The following SLC41A2 variants were observed in gnomAD, a reference collection of about 807,000 sequenced individuals.
SLC41A2 encodes the protein SLC41A1-like 1.
In SLC41A2, 32 loss-of-function variants were observed where a neutral mutation model predicts 58.3. The ratio of observed to expected loss-of-function variants is 0.55; its 90% confidence interval spans 0.41 to 0.74. The LOEUF is 0.74. SLC41A2 is among the 30% of genes least tolerant of loss of function. The pLI is 0.00. For missense variants in SLC41A2, 514 were observed against 680.6 expected (o/e 0.76, Z 2.72); for synonymous variants, 190 against 235.0 (o/e 0.81, Z 1.75).
At chr12:104,933,066 G>A (rs921069261) in intron 1 of SLC41A2, among the ~76,000 whole-genome samples, 1 of 152,036 alleles carries the variant, frequency 6.6e-6, no homozygotes, top group African/African-American at 2.4e-5. Context: ...CTTCTGCAGA[G>A]CCAAAAAAAC....
chr12:104,813,904 G>A (rs1185315735), intron 10 of SLC41A2, among the ~76,000 whole-genome samples: 3 of 152,062 alleles, frequency 2.0e-5, no homozygotes, highest in African/African-American at 7.2e-5. Context: ...CCAAAGTGCT[G>A]GGATTACAGG....
At chr12:104,954,344 C>T (rs1425211184) in intron 1 of SLC41A2, among the ~76,000 whole-genome samples, 1 of 152,204 alleles carries the variant, frequency 6.6e-6, no homozygotes, top group Non-Finnish European at 1.5e-5. Flanking sequence ...ATAAATCTAA[C>T]TGCAGTACGT....
intron 6 of SLC41A2, among the ~76,000 whole-genome samples, chr12:104,874,776 G>A (rs2043968549): frequency 6.6e-6 from 1 of 152,194 alleles, no homozygotes; most frequent in African/African-American, 2.4e-5. Flanking sequence ...AAATCAGGAA[G>A]TGTGATGCCT....
At chr12:104,956,804 G>A (rs532711160) in intron 1 of SLC41A2, among the ~76,000 whole-genome samples, 63 of 152,298 alleles carry the variant, frequency 4.1e-4, no homozygotes, top group Non-Finnish European at 7.8e-4. Context: ...ATGAAAAGAT[G>A]CTCAGCATCC....
intron 2 of SLC41A2, among the ~76,000 whole-genome samples, chr12:104,922,543 TAA>T (rs2046646052): frequency 6.6e-6 from 1 of 152,024 alleles, no homozygotes; most frequent in African/African-American, 2.4e-5. Context: ...TTTATAAATC[TAA>T]AGAGAGAGAG....
At chr12:104,877,085 T>C (rs918342390) in intron 6 of SLC41A2, among the ~76,000 whole-genome samples, 1 of 152,252 alleles carries the variant, frequency 6.6e-6, no homozygotes, top group African/African-American at 2.4e-5. Flanking sequence ...AACTAAAGCC[T>C]ACTGCTATCA....
At chr12:104,817,194 A>G (rs2041445005) in intron 10 of SLC41A2, among the ~76,000 whole-genome samples, 2 of 152,216 alleles carry the variant, frequency 1.3e-5, no homozygotes. Flanking sequence ...TAAACACAGA[A>G]AAGTTGCAGT....
chr12:104,902,694 G>A (rs1026458535), intron 3 of SLC41A2, among the ~76,000 whole-genome samples: 29 of 152,160 alleles, frequency 1.9e-4, no homozygotes, highest in Admixed American at 2.6e-4. Context: ...GGTGAAAGAC[G>A]TGGGAGAATG....
intron 1 of SLC41A2, among the ~76,000 whole-genome samples, chr12:104,955,050 C>T (rs1394703625): frequency 1.8e-5 from 2 of 110,322 alleles, no homozygotes; most frequent in East Asian, 3.3e-4. Context: ...TGAGTTAAGA[C>T]GAAGTTTTGC....
At chr12:104,905,499 G>A (rs188176419) in intron 3 of SLC41A2, among the ~76,000 whole-genome samples, 2,196 of 152,364 alleles carry the variant, frequency 0.014, 69 homozygotes, top group African/African-American at 0.05. Flanking sequence ...TGCCAGTCCT[G>A]CACCCTGTGC....
intron 3 of SLC41A2, among the ~76,000 whole-genome samples, chr12:104,901,904 C>T (rs2045584024): frequency 6.6e-6 from 1 of 152,068 alleles, no homozygotes; most frequent in Non-Finnish European, 1.5e-5. Context: ...GTTTTAAGTT[C>T]TTTATCTTTA....
chr12:104,894,310 A>C (rs1217433051), intron 4 of SLC41A2, among the ~76,000 whole-genome samples: 3 of 151,722 alleles, frequency 2.0e-5, no homozygotes, highest in African/African-American at 7.3e-5. Flanking sequence ...CCATGACTGC[A>C]CTACTGCACT....
chr12:104,866,470 T>C lies in SLC41A2; in HGVS notation c.1137A>G (p.Ser379=). ...KHPATRTVLH[S]GWEPVITAMV... ...TAGCTGTTATGACAGGCTCCCAGCC[T>C]GAGTGGAGAACTGTTCTTGTGGCTG... The change falls in exon 7 of 11, where the codon TCA becomes TCG. Residue 379 remains serine (S), a synonymous_variant. Transcript: ENST00000258538. The C allele has an allele frequency of 6.2e-7, 1 of 1,612,966 alleles. No individual in the cohort carries two copies. Among genetic ancestry groups the C allele is most frequent in the South Asian group, 1.1e-5 (1 of 90,972 alleles).
At chr12:104,884,017 G>A (rs1013267686) in intron 6 of SLC41A2, among the ~76,000 whole-genome samples, 2 of 152,198 alleles carry the variant, frequency 1.3e-5, no homozygotes, top group Non-Finnish European at 2.9e-5. Context: ...CTTCCCAGCC[G>A]CTTTGTTTAC....
At chr12:104,931,353 C>T (rs2135901011) in intron 1 of SLC41A2, among the ~76,000 whole-genome samples, 1 of 152,294 alleles carries the variant, frequency 6.6e-6, no homozygotes, top group South Asian at 2.1e-4. Context: ...ATATCAATCA[C>T]AGTACCCTAC....
intron 10 of SLC41A2, among the ~76,000 whole-genome samples, chr12:104,807,748 T>C (rs2040978309): frequency 6.6e-6 from 1 of 152,344 alleles, no homozygotes; most frequent in Non-Finnish European, 1.5e-5. Context: ...CATTGAGCAG[T>C]GGCTTGTAGT....
intron 10 of SLC41A2, among the ~76,000 whole-genome samples, chr12:104,812,745 G>A (rs1451119517): frequency 6.6e-6 from 1 of 152,006 alleles, no homozygotes; most frequent in Non-Finnish European, 1.5e-5. Context: ...CCAGGAAGGT[G>A]GAATGCTCTG....
At chr12:104,883,967 C>T (rs1395562616) in intron 6 of SLC41A2, among the ~76,000 whole-genome samples, 1 of 152,236 alleles carries the variant, frequency 6.6e-6, no homozygotes, top group Non-Finnish European at 1.5e-5. Flanking sequence ...CAGAGGCAGG[C>T]AGGCCTCATT....
intron 1 of SLC41A2, among the ~76,000 whole-genome samples, chr12:104,937,835 C>T (rs917904673): frequency 1.2e-4 from 19 of 152,252 alleles, no homozygotes; most frequent in South Asian, 2.1e-4. Flanking sequence ...TGAGAAGCAC[C>T]TCCCAATACA....
Sources: gnomAD v4.1 joint callset for allele counts (sites outside exome capture counted in the v4.1 genomes callset) on GRCh38, gnomAD v4.1.1 for gene constraint, MANE v1.5 for transcripts, NCBI Gene and HGNC (gene_info 2026-07-23, HGNC 2026-07-21) for gene names.